SETX: variants seen among roughly 807,000 people sequenced by gnomAD.
SETX encodes the protein senataxin, also known as helicase senataxin.
SETX carries 90 observed loss-of-function variants against 227.2 expected under a neutral mutation model. The observed-to-expected ratio is 0.40, with a 90% CI of 0.33 to 0.47. The LOEUF (loss-of-function observed/expected upper bound fraction) is 0.47. Among genes scored for constraint, SETX ranks in the 20% least tolerant of loss-of-function variants. The pLI, the probability that SETX is intolerant of heterozygous loss-of-function variation, is 0.91. For missense variants in SETX, 3,052 were observed against 3,181.5 expected (o/e 0.96, Z 0.98); for synonymous variants, 1,210 against 1,113.2 (o/e 1.09, Z -1.73).
intron 25 of SETX, among the ~76,000 whole-genome samples, chr9:132,267,984 T>C (rs545817722): frequency 1.3e-5 from 2 of 152,366 alleles, no homozygotes; most frequent in South Asian, 2.1e-4. Flanking sequence ...GATGTATCTC[T>C]AGCAACATTT....
At chr9:132,305,421 T>C (rs1337396173) in intron 11 of SETX, among the ~76,000 whole-genome samples, 1 of 151,612 alleles carries the variant, frequency 6.6e-6, no homozygotes, top group Non-Finnish European at 1.5e-5. Flanking sequence ...AAAAAAATTT[T>C]TTTTTAAAAA....
intron 10 of SETX, among the ~76,000 whole-genome samples, chr9:132,325,185 T>A (rs1846640855): frequency 1.3e-5 from 2 of 151,920 alleles, no homozygotes; most frequent in Non-Finnish European, 2.9e-5. Context: ...TGAAACCCCA[T>A]CTCTACTAAA....
intron 5 of SETX, among the ~76,000 whole-genome samples, chr9:132,342,390 G>T (rs1021596639): frequency 1.3e-5 from 2 of 152,118 alleles, no homozygotes; most frequent in African/African-American, 4.8e-5. Context: ...AGTGGGTCAA[G>T]CAGGTGAGAA....
chr9:132,299,118 T>C (rs1005926100), intron 12 of SETX, among the ~76,000 whole-genome samples: 2 of 152,168 alleles, frequency 1.3e-5, no homozygotes, highest in African/African-American at 4.8e-5. Context: ...GAAAAATCAA[T>C]CATATCTGCT....
intron 23 of SETX, chr9:132,275,038 C>A: frequency 1.8e-6 from 1 of 564,944 alleles, no homozygotes; most frequent in Non-Finnish European, 3.1e-6. Flanking sequence ...ATTCCACTGC[C>A]AAGGAGAATG....
At chr9:132,339,345 G>C (rs112536599) in intron 5 of SETX, among the ~76,000 whole-genome samples, 3 of 152,026 alleles carry the variant, frequency 2.0e-5, no homozygotes, top group African/African-American at 4.8e-5. Flanking sequence ...CATGGTGACC[G>C]AGGAAGGAGA....
chr9:132,337,748 G>A lies in SETX; in HGVS notation c.499-1233C>T, dbSNP rs572278541. 2.0e-5 allele frequency among the ~76,000 whole-genome samples: 3 copies of A among 152,316 alleles called. No homozygotes were observed. In the East Asian group the frequency reaches 5.8e-4, roughly 29 times the overall value. ...TGTCAAGTGGTAAATAGTAAACATGGAGAGTGCTGGAGTTAGGAAATGACC... is the reference window on the plus strand; with the variant it reads ...TGTCAAGTGGTAAATAGTAAACATGAAGAGTGCTGGAGTTAGGAAATGACC... On this transcript the variant is annotated intron_variant, in intron 5 of 25. Coordinates refer to ENST00000224140, the MANE Select transcript of SETX (RefSeq NM_015046.7).
rs1206329508 is a variant in SETX, at chr9:132,263,298, G to C, written c.*941C>G. On this transcript the variant is annotated 3_prime_UTR_variant, in exon 26 of 26. Transcript: ENST00000224140. ...AAATGTTGAACACACAGCTTCCCAG[G>C]CTTTCTGGAAAACTAGTTAGATCTG... is the stretch of plus-strand genomic sequence containing the variant. The C allele has an allele frequency of 6.6e-6, 1 of 152,144 alleles. No homozygotes were observed. 9.4% of individuals were successfully genotyped at this position (152,144 alleles called of 1,614,324 possible).
chr9:132,283,213 A>C (rs755290157), intron 19 of SETX, 51 bp downstream of exon 19: 1 of 1,611,602 alleles, frequency 6.2e-7, no homozygotes, highest in South Asian at 1.1e-5. Context: ...TTCATCTAAG[A>C]CTTACTCCTC....
rs547718275 is a variant in SETX at position 132,263,067 on chromosome 9, A to G, written c.*1172T>C. ...CACTATCACCTCTAATAGTAGCTGG[A>G]AACACCTATCAGATATTCTAAACAG... On this transcript the variant is annotated 3_prime_UTR_variant, in exon 26 of 26. Coordinates refer to ENST00000224140, the MANE Select transcript of SETX (RefSeq NM_015046.7). The G allele has an allele frequency of 6.6e-6, 1 of 152,348 alleles. No individual in the cohort carries two copies. Among genetic ancestry groups the G allele is most frequent in the South Asian group, 2.1e-4 (1 of 4,828 alleles). The allele number at this position is 152,348 out of a possible 1,614,324, so 9.4% of individuals were successfully genotyped here.
chr9:132,351,152 GT>G (rs142698885), intron 2 of SETX, among the ~76,000 whole-genome samples: 2 of 151,046 alleles, frequency 1.3e-5, no homozygotes, highest in Admixed American at 6.6e-5. Context: ...TGCAGAAGCT[GT>G]TTTTTTTTCC....
chr9:132,285,179 A>G (rs1418808459), intron 18 of SETX, among the ~76,000 whole-genome samples: 1 of 151,816 alleles, frequency 6.6e-6, no homozygotes, highest in African/African-American at 2.4e-5. Flanking sequence ...GCCTGGCCAA[A>G]GCTATTTTCA....
chr9:132,353,257 T>C (rs1451452131), intron 2 of SETX, among the ~76,000 whole-genome samples: 1 of 152,120 alleles, frequency 6.6e-6, no homozygotes, highest in Non-Finnish European at 1.5e-5. Context: ...CCTAAAACCA[T>C]TCATGGTGAC....
rs73545071 is a variant in SETX, at chr9:132,275,023, A to G, written c.7100+233T>C. 1.6e-3 allele frequency: 860 copies of G among 535,916 alleles called. 6 individuals carry two copies. The highest frequency in any genetic ancestry group is 0.015 in the African/African-American group (791 of 52,950). The allele number at this position is 535,916 out of a possible 1,614,324, so 33.2% of individuals were successfully genotyped here. A position where few individuals can be genotyped will look rare whatever the true frequency, so the allele number is the denominator to read the frequency against. On this transcript the variant is annotated intron_variant, in intron 23 of 25. Transcript: ENST00000224140. ...AAGGTAAAGACCTGGCAAGTTTCTTAGTCAATTCCACTGCCAAGGAGAATG... is the reference window on the plus strand; with the variant it reads ...AAGGTAAAGACCTGGCAAGTTTCTTGGTCAATTCCACTGCCAAGGAGAATG...
chr9:132,266,480 T>A (rs1365291520), intron 25 of SETX, among the ~76,000 whole-genome samples: 1 of 152,050 alleles, frequency 6.6e-6, no homozygotes, highest in African/African-American at 2.4e-5. Context: ...GCATTAAAAC[T>A]TATGCACTGG....
chr9:132,317,104 CCTTT>C (rs758519357), intron 10 of SETX, among the ~76,000 whole-genome samples: 8 of 152,310 alleles, frequency 5.3e-5, no homozygotes, highest in South Asian at 2.1e-4. Flanking sequence ...TAAACATCTT[CCTTT>C]ATCACCTTTA....
At chr9:132,323,800 G>C (rs1344043845) in intron 10 of SETX, among the ~76,000 whole-genome samples, 2 of 152,042 alleles carry the variant, frequency 1.3e-5, no homozygotes, top group Non-Finnish European at 2.9e-5. Flanking sequence ...TTATTCAAGA[G>C]GCTGTGGTGG....
intron 10 of SETX, among the ~76,000 whole-genome samples, chr9:132,325,206 A>G (rs1313486458): frequency 2.0e-5 from 3 of 152,064 alleles, no homozygotes; most frequent in Non-Finnish European, 4.4e-5. Flanking sequence ...AATACAAAAA[A>G]TTAGCCGGCC....
intron 22 of SETX, 43 bp downstream of exon 22, chr9:132,277,017 A>G: frequency 6.7e-7 from 1 of 1,488,744 alleles, no homozygotes; most frequent in Non-Finnish European, 9.4e-7. Flanking sequence ...ATCATGTAAC[A>G]ATTCTGGGAC....
Sources: gnomAD v4.1 joint callset for allele counts (sites outside exome capture counted in the v4.1 genomes callset) on GRCh38, gnomAD v4.1.1 for gene constraint, MANE v1.5 for transcripts, NCBI Gene and HGNC (gene_info 2026-07-23, HGNC 2026-07-21) for gene names.